TRIM2: variants seen among roughly 807,000 people sequenced by gnomAD.
TRIM2 encodes the protein tripartite motif-containing protein 2.
TRIM2 carries 20 observed loss-of-function variants against 75.2 expected under a neutral mutation model. The observed-to-expected ratio is 0.27, with a 90% CI of 0.19 to 0.39. TRIM2 has a LOEUF of 0.39. Ranked by LOEUF, TRIM2 falls within the 10% of genes least tolerant of loss-of-function variation. The pLI, the probability that TRIM2 is intolerant of heterozygous loss-of-function variation, is 1.00. For missense variants in TRIM2, 660 were observed against 990.8 expected (o/e 0.67, Z 4.48); for synonymous variants, 373 against 388.3 (o/e 0.96, Z 0.46).
At chr4:153,241,618 A>G (rs1000269146) in intron 1 of TRIM2, among the ~76,000 whole-genome samples, 6 of 152,136 alleles carry the variant, frequency 3.9e-5, no homozygotes, top group Admixed American at 6.6e-5. Context: ...GGAGCAGAGA[A>G]CCCAGGGAGC....
At chr4:153,198,473 C>A (rs1269704166) in intron 1 of TRIM2, among the ~76,000 whole-genome samples, 1 of 152,142 alleles carries the variant, frequency 6.6e-6, no homozygotes, top group Non-Finnish European at 1.5e-5. Flanking sequence ...ACCATGATTA[C>A]GAGACCTCCC....
intron 2 of TRIM2, among the ~76,000 whole-genome samples, chr4:153,271,920 T>C (rs1239419704): frequency 1.3e-5 from 2 of 152,156 alleles, no homozygotes; most frequent in East Asian, 3.9e-4. Flanking sequence ...AGCCTATCTA[T>C]TGTTTGGGTC....
chr4:153,312,925 A>G (rs1307217871), intron 6 of TRIM2, among the ~76,000 whole-genome samples: 1 of 152,142 alleles, frequency 6.6e-6, no homozygotes, highest in Non-Finnish European at 1.5e-5. Context: ...TTATTCAGAC[A>G]TGGGGGAAAG....
intron 1 of TRIM2, among the ~76,000 whole-genome samples, chr4:153,189,159 C>T (rs1732925631): frequency 1.3e-5 from 2 of 152,150 alleles, no homozygotes; most frequent in African/African-American, 2.4e-5. Context: ...CTGGAGAGGC[C>T]GTTTCTAACT....
In TRIM2 at chr4:153,338,157, TG is replaced by T; in HGVS notation, c.*3192del. ...CTTCCACTACTAAATATACAGGGTA[TG>T]TCCTAACATGGAGTTAACTGGAATA... is the stretch of plus-strand genomic sequence containing the variant. On this transcript the variant is annotated 3_prime_UTR_variant, in exon 12 of 12. Transcript: ENST00000338700. 1.0e-6 allele frequency: 1 copy of T among 985,880 alleles called. No homozygotes were observed. The allele number at this position is 985,880 out of a possible 1,614,324, so 61.1% of individuals were successfully genotyped here. A position where few individuals can be genotyped will look rare whatever the true frequency, so the allele number is the denominator to read the frequency against.
chr4:153,265,010 C>A (rs1754569346), intron 1 of TRIM2, among the ~76,000 whole-genome samples: 1 of 152,006 alleles, frequency 6.6e-6, no homozygotes, highest in South Asian at 2.1e-4. Flanking sequence ...TTGCTCTCAC[C>A]CACTACAATA....
At position 153,295,829 on chromosome 4, in the gene TRIM2, T is replaced by G; in HGVS notation, c.1303T>G (p.Tyr435Asp). 2 of 1,614,142 alleles carry G rather than the reference T, an allele frequency of 1.2e-6. No homozygotes were observed. The highest frequency in any genetic ancestry group is 1.7e-6 in the Non-Finnish European group (2 of 1,180,018). Reference protein sequence around the residue: ...EGDFTLSLRLYDQHIRGSPFK... With the variant: ...EGDFTLSLRLDDQHIRGSPFK... ...GGACTTTACCCTGTCTCTGAGACTC[T>G]ATGACCAGCACATCCGAGGCAGCCC... is the stretch of plus-strand genomic sequence containing the variant. Residue 435 changes from tyrosine to aspartate, a missense_variant, in exon 6 of 12, where the codon TAT (tyrosine) becomes GAT (aspartate). Physicochemically the swap from Tyr to Asp is radical, Grantham distance 160 (BLOSUM62 -3). Transcript: ENST00000338700. This position sits in a 1 kb window ranked among gnomAD's most constrained non-coding sequence, Gnocchi z 7.2.
intron 11 of TRIM2, among the ~76,000 whole-genome samples, chr4:153,333,416 A>G (rs1366814804): frequency 1.3e-5 from 2 of 152,194 alleles, no homozygotes; most frequent in Non-Finnish European, 2.9e-5. Context: ...CACATGATAA[A>G]ATGACATAAA....
rs531231661 is a variant in TRIM2 at position 153,295,102 on chromosome 4, G to A, written c.787-211G>A. ...CCAAGAAATACATGTGTGGAAGAGA[G>A]GGCGAGGCGGAAGGGAAACCTCGAA... On this transcript the variant is annotated intron_variant, in intron 5 of 11. Coordinates refer to ENST00000338700, the MANE Select transcript of TRIM2 (RefSeq NM_015271.5). The surrounding 1 kb of genome is among the most constrained non-coding windows in gnomAD (Gnocchi z 7.2). Among the ~76,000 whole-genome samples the A allele has an allele frequency of 1.3e-5, 2 of 152,334 alleles. No homozygotes were observed. Among genetic ancestry groups the A allele is most frequent in the South Asian group, 4.1e-4 (2 of 4,822 alleles).
At chr4:153,250,914 T>C (rs1750705302) in intron 1 of TRIM2, among the ~76,000 whole-genome samples, 1 of 152,216 alleles carries the variant, frequency 6.6e-6, no homozygotes, top group African/African-American at 2.4e-5. Context: ...GTGTCATTTA[T>C]TTTTTTGTCA....
At chr4:153,289,065 G>A (rs1383002770) in intron 3 of TRIM2, among the ~76,000 whole-genome samples, 1 of 151,966 alleles carries the variant, frequency 6.6e-6, no homozygotes, top group Non-Finnish European at 1.5e-5. Flanking sequence ...TCCAATCTGG[G>A]CTTCTTTAGG....
At chr4:153,312,476 TCAGAGAAATG>T (rs1360370556) in intron 6 of TRIM2, among the ~76,000 whole-genome samples, 1 of 151,984 alleles carries the variant, frequency 6.6e-6, no homozygotes, top group African/African-American at 2.4e-5. Context: ...TCACTGGCCA[TCAGAGAAATG>T]CAAATCAAAA....
intron 1 of TRIM2, among the ~76,000 whole-genome samples, chr4:153,179,457 T>C (rs916217402): frequency 6.6e-6 from 1 of 152,114 alleles, no homozygotes; most frequent in African/African-American, 2.4e-5. Context: ...CCCAGACTTA[T>C]TTCCCCAACT....
At position 153,244,592 on chromosome 4, in the gene TRIM2, T is replaced by G. The variant is rs930392784; in HGVS notation, c.31-25743T>G. ...AGTTTTTTGAAGATGTACAAAAATT[T>G]GATTCTTGGAATGGATTTATAAGAA... is the stretch of plus-strand genomic sequence containing the variant. On this transcript the variant is annotated intron_variant, in intron 1 of 11. Transcript: ENST00000338700. Among the ~76,000 whole-genome samples, 63 of 151,000 alleles carry G rather than the reference T, an allele frequency of 4.2e-4. 1 individual carries two copies. The highest frequency in any genetic ancestry group is 6.8e-3 in the Middle Eastern group (2 of 294).
In TRIM2 at chr4:153,295,282, C is replaced by T. The variant is rs915311727; in HGVS notation, c.787-31C>T. The T allele has an allele frequency of 3.9e-6, 6 of 1,537,706 alleles. No individual in the cohort carries two copies. The highest frequency in any genetic ancestry group is 1.4e-5 in the African/African-American group (1 of 73,284). ...CCGGGCTAGGCCCCGCCCTGTGGGA[C>T]GAGCTCACCAGGCCTCCGGTTTTCC... On this transcript the variant is annotated intron_variant, in intron 5 of 11. Coordinates refer to ENST00000338700, the MANE Select transcript of TRIM2 (RefSeq NM_015271.5). The surrounding 1 kb of genome is among the most constrained non-coding windows in gnomAD (Gnocchi z 7.2).
At chr4:153,323,343 CTTA>C (rs1769418365) in intron 9 of TRIM2, among the ~76,000 whole-genome samples, 1 of 152,172 alleles carries the variant, frequency 6.6e-6, no homozygotes, top group South Asian at 2.1e-4. Context: ...CTGAAAATAG[CTTA>C]TTAATTTTCT....
chr4:153,183,052 A>G (rs1001227604), intron 1 of TRIM2, among the ~76,000 whole-genome samples: 2 of 152,216 alleles, frequency 1.3e-5, no homozygotes, highest in Non-Finnish European at 2.9e-5. Context: ...GAATGAATAA[A>G]TGAATGAATG....
chr4:153,317,423 C>T (rs1453945841), intron 8 of TRIM2, among the ~76,000 whole-genome samples: 8 of 148,082 alleles, frequency 5.4e-5, no homozygotes, highest in African/African-American at 1.7e-4. Flanking sequence ...CCGAGGCGGG[C>T]GGATCACAAG....
intron 1 of TRIM2, among the ~76,000 whole-genome samples, chr4:153,263,836 C>T (rs1419401591): frequency 6.6e-6 from 1 of 152,168 alleles, no homozygotes; most frequent in African/African-American, 2.4e-5. Context: ...TGGCAGAGAG[C>T]AGACAGAGTG....
Sources: gnomAD v4.1 joint callset for allele counts (sites outside exome capture counted in the v4.1 genomes callset) on GRCh38, gnomAD v4.1.1 for gene constraint, Gnocchi (gnomAD v3.1) non-coding constraint, MANE v1.5 for transcripts, NCBI Gene and HGNC (gene_info 2026-07-23, HGNC 2026-07-21) for gene names.